Variants in DIP2B observed in about 807,000 individuals in gnomAD.
DIP2B encodes disco-interacting protein 2 homolog B.
Under a neutral mutation model 198.0 loss-of-function variants are expected in DIP2B, and 76 were observed. The observed-to-expected ratio is 0.38, with a 90% CI of 0.32 to 0.46. DIP2B has a LOEUF of 0.46. Ranked by LOEUF, DIP2B falls within the 20% of genes least tolerant of loss-of-function variation. The probability of loss-of-function intolerance (pLI) is 0.99; values close to 1 mark genes in which losing one functional copy is unlikely to be tolerated. For missense variants in DIP2B, 1,559 were observed against 1,978.4 expected (o/e 0.79, Z 4.02); for synonymous variants, 701 against 739.1 (o/e 0.95, Z 0.84).
At chr12:50,670,788 A>G (rs1187485973) in intron 4 of DIP2B, among the ~76,000 whole-genome samples, 1 of 152,196 alleles carries the variant, frequency 6.6e-6, no homozygotes, top group African/African-American at 2.4e-5. Context: ...AGAGACTAAT[A>G]AGTACTTTGT....
chr12:50,637,114 A>C (rs1202679214), intron 2 of DIP2B, among the ~76,000 whole-genome samples: 1 of 152,062 alleles, frequency 6.6e-6, no homozygotes, highest in Non-Finnish European at 1.5e-5. Flanking sequence ...ATAATGATTC[A>C]AGGTGATTAT....
chr12:50,711,108 A>G (rs916432431), intron 22 of DIP2B, among the ~76,000 whole-genome samples: 2 of 152,244 alleles, frequency 1.3e-5, no homozygotes, highest in African/African-American at 4.8e-5. Flanking sequence ...AATTAAATAC[A>G]GTGCCAATTT....
At chr12:50,566,840 C>T (rs4768894) in intron 1 of DIP2B, among the ~76,000 whole-genome samples, 19,425 of 151,810 alleles carry the variant, frequency 0.13, 2,412 homozygotes, top group East Asian at 0.36. Context: ...GGCGTGGTGG[C>T]GGGCGCCTGT....
intron 1 of DIP2B, among the ~76,000 whole-genome samples, chr12:50,620,521 G>C (rs1305502442): frequency 6.6e-6 from 1 of 152,170 alleles, no homozygotes; most frequent in East Asian, 1.9e-4. Context: ...GTTTAGGTCA[G>C]TGTCTTCATA....
chr12:50,545,802 GT>G (rs1958372355), intron 1 of DIP2B, among the ~76,000 whole-genome samples: 1 of 151,368 alleles, frequency 6.6e-6, no homozygotes, highest in African/African-American at 2.4e-5. Context: ...TGCCCAGCTA[GT>G]TTTTTGTATT....
chr12:50,657,117 C>T (rs2139507934), intron 3 of DIP2B: 1 of 149,922 alleles, frequency 6.7e-6, no homozygotes, highest in African/African-American at 2.4e-5. Context: ...GTGTGGTGGC[C>T]CACACCTGTA....
chr12:50,679,670 A>C (rs1939004056), intron 8 of DIP2B: 1 of 152,218 alleles, frequency 6.6e-6, no homozygotes, highest in Admixed American at 6.5e-5. Flanking sequence ...TTTTTGTCAA[A>C]ATTGTTTTAA....
chr12:50,589,235 TTTG>T (rs200159249), intron 1 of DIP2B, among the ~76,000 whole-genome samples: 7,887 of 149,594 alleles, frequency 0.053, 633 homozygotes, highest in African/African-American at 0.19. Context: ...TTTGTTTGTC[TTTG>T]TTTTTTTTTT....
intron 1 of DIP2B, among the ~76,000 whole-genome samples, chr12:50,609,405 A>G (rs1478781464): frequency 1.3e-5 from 2 of 152,226 alleles, no homozygotes; most frequent in Admixed American, 6.5e-5. Context: ...GTTTATTTCT[A>G]GGTCATGCCA....
At chr12:50,703,877 A>G (rs999160757) in intron 19 of DIP2B, among the ~76,000 whole-genome samples, 41 of 147,606 alleles carry the variant, frequency 2.8e-4, no homozygotes, top group Admixed American at 8.7e-4. Context: ...ATCTGTTTGA[A>G]AAAAAAAAAA....
At chr12:50,686,062 A>C in intron 11 of DIP2B, 106 bp downstream of exon 11, 1 of 1,155,076 alleles carries the variant, frequency 8.7e-7, no homozygotes, top group South Asian at 1.8e-5. Flanking sequence ...TGTTCTATTT[A>C]ATTCTCATAG....
In DIP2B at chr12:50,706,575, T is replaced by TA. The variant is rs1284795012; in HGVS notation, c.2445dup (p.Leu816ThrfsTer4). The TA allele has an allele frequency of 6.2e-7, 1 of 1,614,108 alleles. No homozygotes were observed. Among genetic ancestry groups the TA allele is most frequent in the Non-Finnish European group, 8.5e-7 (1 of 1,179,982 alleles). On this transcript the variant is annotated frameshift_variant, in exon 21 of 38. Coordinates refer to ENST00000301180, the MANE Select transcript of DIP2B (RefSeq NM_173602.3). LOFTEE classifies it high-confidence loss of function. ...TTCGTGGTTGGGAAAATGGATGGCTTACTGATGGTTAGTGGTCGAAGACAT... is the reference window on the plus strand; with the variant it reads ...TTCGTGGTTGGGAAAATGGATGGCTTAACTGATGGTTAGTGGTCGAAGACAT...
intron 1 of DIP2B, among the ~76,000 whole-genome samples, chr12:50,562,867 T>C (rs1958531443): frequency 6.6e-6 from 1 of 152,134 alleles, no homozygotes. Flanking sequence ...TGTAATACAA[T>C]ACTATAAGGC....
intron 17 of DIP2B, 149 bp from the exon 18 acceptor site, chr12:50,698,179 C>A (rs1939351574): frequency 1.0e-6 from 1 of 987,460 alleles, no homozygotes; most frequent in African/African-American, 1.6e-5. Flanking sequence ...TGTGAGACAC[C>A]ACACCCAGCT....
intron 12 of DIP2B, among the ~76,000 whole-genome samples, chr12:50,690,510 A>T (rs2139547306): frequency 6.6e-6 from 1 of 152,226 alleles, no homozygotes; most frequent in South Asian, 2.1e-4. Flanking sequence ...ACATGGTGAG[A>T]CTCCATCTCT....
At chr12:50,606,172 G>A (rs1958980075) in intron 1 of DIP2B, among the ~76,000 whole-genome samples, 1 of 151,948 alleles carries the variant, frequency 6.6e-6, no homozygotes, top group African/African-American at 2.4e-5. Context: ...TTAGGCTGAA[G>A]TACAGTGATA....
At chr12:50,543,924 T>A (rs1253307673) in intron 1 of DIP2B, among the ~76,000 whole-genome samples, 15 of 101,174 alleles carry the variant, frequency 1.5e-4, no homozygotes, top group South Asian at 3.8e-4. Flanking sequence ...ACTCAGCCTT[T>A]AAAAAAAAAA....
intron 3 of DIP2B, among the ~76,000 whole-genome samples, chr12:50,658,400 G>A (rs556681020): frequency 3.9e-4 from 59 of 152,244 alleles, no homozygotes; most frequent in African/African-American, 1.3e-3. Context: ...GCCTCCCAAA[G>A]TGCTGGGATT....
In DIP2B at chr12:50,698,588, T is replaced by C. The variant is rs897771668; in HGVS notation, c.2188+121T>C. ...TAATTCAGTACTTAACGCATTTAATTTCTCAGAGCCTCTCTAATAGTTAAG... is the reference window on the plus strand; with the variant it reads ...TAATTCAGTACTTAACGCATTTAATCTCTCAGAGCCTCTCTAATAGTTAAG... On this transcript the variant is annotated intron_variant, in intron 18 of 37. Coordinates refer to ENST00000301180, the MANE Select transcript of DIP2B (RefSeq NM_173602.3). 2.9e-4 allele frequency: 348 copies of C among 1,211,512 alleles called. 1 individual carries two copies. In the East Asian group the frequency reaches 8.8e-3, roughly 31 times the overall value. 75.0% of individuals were successfully genotyped at this position (1,211,512 alleles called of 1,614,324 possible). A position where few individuals can be genotyped will look rare whatever the true frequency, so the allele number is the denominator to read the frequency against.
Sources: allele counts gnomAD v4.1 joint callset (sites outside exome capture counted in the v4.1 genomes callset), GRCh38; gene constraint gnomAD v4.1.1; transcripts MANE v1.5; gene names NCBI Gene and HGNC (gene_info 2026-07-23, HGNC 2026-07-21).